Variants in DAPK2 observed in about 807,000 individuals in gnomAD.
DAPK2 encodes the protein death associated protein kinase 2, also known as death-associated protein kinase 2.
In DAPK2, 35 loss-of-function variants were observed where a neutral mutation model predicts 44.1. The observed-to-expected ratio is 0.79, with a 90% CI of 0.61 to 1.05. DAPK2 has a LOEUF of 1.05. DAPK2 is among the 50% of genes least tolerant of loss of function. The pLI is 0.00. For missense variants in DAPK2, 453 were observed against 483.2 expected, an observed-to-expected ratio of 0.94 and a Z score of 0.59; for synonymous variants, 174 against 182.6, an observed-to-expected ratio of 0.95 and a Z score of 0.38.
At chr15:63,948,706 C>T (rs974302289) in intron 3 of DAPK2, among the ~76,000 whole-genome samples, 10 of 152,184 alleles carry the variant, frequency 6.6e-5, no homozygotes, top group East Asian at 1.9e-4. Flanking sequence ...CCTCCACACA[C>T]GCAACCTAGA....
At chr15:63,952,839 A>G (rs1395249335) in intron 3 of DAPK2, among the ~76,000 whole-genome samples, 1 of 152,130 alleles carries the variant, frequency 6.6e-6, no homozygotes, top group African/African-American at 2.4e-5. Context: ...TTTTAAATGT[A>G]CAATAACTTA....
At chr15:63,926,416 G>C (rs973881174) in intron 6 of DAPK2, among the ~76,000 whole-genome samples, 4 of 152,098 alleles carry the variant, frequency 2.6e-5, no homozygotes, top group Non-Finnish European at 5.9e-5. Context: ...CCAGCCAAAG[G>C]ATAGGGGAGC....
chr15:63,952,137 G>A (rs915937357), intron 3 of DAPK2, among the ~76,000 whole-genome samples: 1 of 152,186 alleles, frequency 6.6e-6, no homozygotes, highest in African/African-American at 2.4e-5. Flanking sequence ...CTACTCAGGA[G>A]GCGGAGGGAG....
rs1473949864 is a variant in DAPK2 at position 63,966,945 on chromosome 15, C to T, written c.453+4478G>A. ...CCTGTAATCCCAGCACTTTGGGAGG[C>T]CGAGGTGGGCGGATCACGAGTCAGG... On this transcript the variant is annotated intron_variant, in intron 3 of 10. Coordinates refer to ENST00000261891, the Ensembl canonical transcript of DAPK2. The surrounding 1 kb of genome is among the most constrained non-coding windows in gnomAD (Gnocchi z 5.5). Among the ~76,000 whole-genome samples the T allele has an allele frequency of 1.3e-5, 2 of 152,128 alleles. No individual in the cohort carries two copies. Among genetic ancestry groups the T allele is most frequent in the African/African-American group, 4.8e-5 (2 of 41,420 alleles).
At chr15:63,924,941 G>A in intron 7 of DAPK2, 80 bp from the exon 9 acceptor site, 12 of 1,510,488 alleles carry the variant, frequency 7.9e-6, no homozygotes, top group Non-Finnish European at 1.0e-5. Flanking sequence ...ACTCTTTTTA[G>A]ACCTATATTT....
At chr15:64,041,451 A>G (rs1704477128), upstream of DAPK2, among the ~76,000 whole-genome samples, 1 of 152,178 alleles carries the variant, frequency 6.6e-6, no homozygotes, top group Non-Finnish European at 1.5e-5. Flanking sequence ...CCTCTGCCCC[A>G]AGAGGCTTAC....
chr15:63,988,431 C>A (rs60400418), intron 1 of DAPK2, among the ~76,000 whole-genome samples: 5,499 of 152,150 alleles, frequency 0.036, 337 homozygotes, highest in African/African-American at 0.13. Context: ...ATAAACAGGG[C>A]ATGAACCAAA....
At chr15:64,004,275 G>T (rs2079170042) in intron 1 of DAPK2, among the ~76,000 whole-genome samples, 1 of 152,152 alleles carries the variant, frequency 6.6e-6, no homozygotes, top group African/African-American at 2.4e-5. Context: ...TAAATGAGTA[G>T]CTGGATCTAG....
intron 7 of DAPK2, among the ~76,000 whole-genome samples, chr15:63,925,155 G>A (rs1292743480): frequency 6.6e-6 from 1 of 152,210 alleles, no homozygotes; most frequent in Non-Finnish European, 1.5e-5. Flanking sequence ...TGAGCTTCCA[G>A]AATCTTCCAA....
chr15:63,960,655 G>C (rs1162702192), intron 3 of DAPK2, among the ~76,000 whole-genome samples: 1 of 152,252 alleles, frequency 6.6e-6, no homozygotes, highest in African/African-American at 2.4e-5. Flanking sequence ...ATGTAGTTGA[G>C]TGGTTTTGAG....
At chr15:64,041,667 C>T (rs1275888792), upstream of DAPK2, among the ~76,000 whole-genome samples, 4 of 152,212 alleles carry the variant, frequency 2.6e-5, no homozygotes, top group Non-Finnish European at 5.9e-5. Flanking sequence ...ATGGGCTCCA[C>T]GAACCCCAAA....
intron 1 of DAPK2, among the ~76,000 whole-genome samples, chr15:63,992,635 T>C (rs77708110): frequency 0.037 from 5,577 of 152,258 alleles, 141 homozygotes; most frequent in African/African-American, 0.071. Flanking sequence ...ACCTCTCACC[T>C]TCACTCCCTC....
chr15:63,989,049 G>A lies in DAPK2; in HGVS notation c.93-5295C>T, dbSNP rs556311498. On this transcript the variant is annotated intron_variant, in intron 1 of 10. Coordinates refer to ENST00000261891, the Ensembl canonical transcript of DAPK2. ...ACAAAAATTAGCCAGGCATGGTGGT[G>A]CAAGCCTGTAATCCCAGCTACTTGG... is the stretch of plus-strand genomic sequence containing the variant. 1.5e-3 allele frequency among the ~76,000 whole-genome samples: 233 copies of A among 151,676 alleles called. 1 individual carries two copies. Among genetic ancestry groups the A allele is most frequent in the African/African-American group, 5.1e-3 (212 of 41,356 alleles).
At chr15:64,037,529 G>C (rs1347417706) in intron 1 of DAPK2, among the ~76,000 whole-genome samples, 1 of 152,194 alleles carries the variant, frequency 6.6e-6, no homozygotes, top group Non-Finnish European at 1.5e-5. Context: ...CCAGCCTGGG[G>C]AGCATAAACT....
upstream of DAPK2, among the ~76,000 whole-genome samples, chr15:64,044,319 AC>A (rs2080411922): frequency 6.6e-6 from 1 of 152,190 alleles, no homozygotes; most frequent in African/African-American, 2.4e-5. Flanking sequence ...GGGGGCTACC[AC>A]AGATTTCCTA....
In DAPK2 at chr15:64,038,379, G is replaced by A. The variant is rs577848664; in HGVS notation, c.92+1791C>T. ...CTGGCTGTGGTTTGTTGCCGAGAAT[G>A]GCATCTTTCTGCTGGTGCCACCAAG... is the stretch of plus-strand genomic sequence containing the variant. On this transcript the variant is annotated intron_variant, in intron 1 of 10. Transcript: ENST00000261891. Among the ~76,000 whole-genome samples the A allele has an allele frequency of 3.3e-5, 5 of 152,282 alleles. No homozygotes were observed. The East Asian group carries it at 7.7e-4, about 24-fold the overall frequency.
rs546541317 is a variant in DAPK2, at chr15:63,986,622, C to G, written c.93-2868G>C. 1.4e-4 allele frequency among the ~76,000 whole-genome samples: 22 copies of G among 152,262 alleles called. 1 individual carries two copies. The highest frequency in any genetic ancestry group is 4.8e-4 in the African/African-American group (20 of 41,536). ...TAATTTTAAAAGCACCACCCTACCC[C>G]GCCAATGATTCCCACGCACAGCCAG... is the stretch of plus-strand genomic sequence containing the variant. On this transcript the variant is annotated intron_variant, in intron 1 of 10. Coordinates refer to ENST00000261891, the Ensembl canonical transcript of DAPK2.
At chr15:63,996,280 C>G (rs1347269780) in intron 1 of DAPK2, among the ~76,000 whole-genome samples, 4 of 152,070 alleles carry the variant, frequency 2.6e-5, no homozygotes, top group Non-Finnish European at 5.9e-5. Context: ...CCCTGCCCCC[C>G]AAAATTGTTT....
In DAPK2 at chr15:63,966,247, G is replaced by A. The variant is rs2078051485; in HGVS notation, c.453+5176C>T. ...GTCTGAGATCTAGGGCCTGGAATGGGGGCCTCAAGACTCTGCCTTGTGCCC... is the reference window on the plus strand; with the variant it reads ...GTCTGAGATCTAGGGCCTGGAATGGAGGCCTCAAGACTCTGCCTTGTGCCC... On this transcript the variant is annotated intron_variant, in intron 3 of 10. Transcript: ENST00000261891. This position sits in a 1 kb window ranked among gnomAD's most constrained non-coding sequence, Gnocchi z 5.5. Among the ~76,000 whole-genome samples the A allele has an allele frequency of 6.6e-6, 1 of 152,206 alleles. No homozygotes were observed. The highest frequency in any genetic ancestry group is 2.1e-4 in the South Asian group (1 of 4,832).
Sources: allele counts gnomAD v4.1 joint callset (sites outside exome capture counted in the v4.1 genomes callset), GRCh38; gene constraint gnomAD v4.1.1; non-coding constraint Gnocchi (gnomAD v3.1); transcripts MANE v1.5; gene names NCBI Gene and HGNC (gene_info 2026-07-23, HGNC 2026-07-21).